Variants in KCNQ3 observed in about 807,000 individuals in gnomAD.
KCNQ3 encodes potassium voltage-gated channel subfamily Q member 3, also known as potassium voltage-gated channel subfamily KQT member 3.
A neutral mutation model predicts 92.5 loss-of-function variants in KCNQ3; 30 were observed. The ratio of observed to expected loss-of-function variants is 0.32; its 90% CI spans 0.24 to 0.44. The LOEUF is 0.44. KCNQ3 is among the 20% of genes least tolerant of loss of function. The pLI, the probability that KCNQ3 is intolerant of heterozygous loss-of-function variation, is 1.00. For missense variants in KCNQ3, 913 were observed against 1,140.3 expected (o/e 0.80, Z 2.87); for synonymous variants, 450 against 468.8 (o/e 0.96, Z 0.52).
chr8:132,441,953 C>T (rs532915675), intron 1 of KCNQ3, among the ~76,000 whole-genome samples: 1 of 152,248 alleles, frequency 6.6e-6, no homozygotes, highest in South Asian at 2.1e-4. Context: ...AGGCCATTAT[C>T]CTCAGCAAAC....
At chr8:132,218,919 A>G (rs1219668079) in intron 1 of KCNQ3, among the ~76,000 whole-genome samples, 1 of 152,120 alleles carries the variant, frequency 6.6e-6, no homozygotes, top group Admixed American at 6.5e-5. Flanking sequence ...TGGAGGGATG[A>G]CTGTGCATGC....
At chr8:132,378,308 C>T (rs567555084) in intron 1 of KCNQ3, among the ~76,000 whole-genome samples, 6 of 152,144 alleles carry the variant, frequency 3.9e-5, no homozygotes, top group African/African-American at 1.4e-4. Flanking sequence ...ACGAGAAACA[C>T]TTGAACTTGG....
intron 14 of KCNQ3, among the ~76,000 whole-genome samples, chr8:132,131,853 C>T (rs1824889714): frequency 6.6e-6 from 1 of 152,088 alleles, no homozygotes; most frequent in Middle Eastern, 3.4e-3. Flanking sequence ...TTTGGTAGGC[C>T]GAGTTGGGCA....
intron 1 of KCNQ3, among the ~76,000 whole-genome samples, chr8:132,357,914 C>T (rs192825442): frequency 8.5e-5 from 13 of 152,326 alleles, no homozygotes; most frequent in African/African-American, 2.6e-4. Flanking sequence ...TGTGCTCTGG[C>T]GCAAAGAGCT....
At chr8:132,478,355 C>A (rs1822461611) in intron 1 of KCNQ3, among the ~76,000 whole-genome samples, 1 of 152,098 alleles carries the variant, frequency 6.6e-6, no homozygotes, top group African/African-American at 2.4e-5. Context: ...TCCATAGGAC[C>A]CCCAGGTTTT....
chr8:132,351,214 A>G (rs1818853779), intron 1 of KCNQ3, among the ~76,000 whole-genome samples: 1 of 152,182 alleles, frequency 6.6e-6, no homozygotes. Context: ...GATTATTCCC[A>G]TTGTTCAGAT....
chr8:132,285,668 G>A (rs138764371), intron 1 of KCNQ3, among the ~76,000 whole-genome samples: 385 of 152,342 alleles, frequency 2.5e-3, no homozygotes, highest in Admixed American at 4.4e-3. Context: ...GTGGCCCAGA[G>A]ACTGTTTGCC....
At chr8:132,471,169 T>G (rs1412348388) in intron 1 of KCNQ3, among the ~76,000 whole-genome samples, 2 of 152,130 alleles carry the variant, frequency 1.3e-5, no homozygotes, top group African/African-American at 2.4e-5. Context: ...CTGTCAGAAA[T>G]GCAGCTAGCT....
intron 1 of KCNQ3, among the ~76,000 whole-genome samples, chr8:132,432,391 A>ATCTG (rs1209210374): frequency 6.6e-6 from 1 of 152,062 alleles, no homozygotes; most frequent in Admixed American, 6.5e-5. Flanking sequence ...CAAAACTATG[A>ATCTG]TCTGTCAAAA....
chr8:132,366,022 C>G (rs1266744907), intron 1 of KCNQ3, among the ~76,000 whole-genome samples: 1 of 152,094 alleles, frequency 6.6e-6, no homozygotes, highest in African/African-American at 2.4e-5. Flanking sequence ...CAGAGCCAGA[C>G]CCTATAAAGT....
intron 1 of KCNQ3, among the ~76,000 whole-genome samples, chr8:132,307,866 G>C (rs7819670): frequency 0.8 from 120,984 of 151,692 alleles, 49,031 homozygotes; most frequent in African/African-American, 0.93. Context: ...GGTTATATGA[G>C]TCGGGGAGTT....
chr8:132,135,386 A>G (rs759123782), intron 12 of KCNQ3, among the ~76,000 whole-genome samples: 2 of 152,146 alleles, frequency 1.3e-5, no homozygotes, highest in South Asian at 2.1e-4. Flanking sequence ...TTGAAGGCTT[A>G]TCACAGGTCC....
intron 1 of KCNQ3, among the ~76,000 whole-genome samples, chr8:132,232,603 C>T (rs1814679725): frequency 6.6e-6 from 1 of 152,204 alleles, no homozygotes; most frequent in Non-Finnish European, 1.5e-5. Context: ...ATAGTAAGCA[C>T]TTGGTCAACA....
chr8:132,330,024 A>C (rs1818184865), intron 1 of KCNQ3, among the ~76,000 whole-genome samples: 1 of 152,228 alleles, frequency 6.6e-6, no homozygotes, highest in South Asian at 2.1e-4. Flanking sequence ...GATATATTAA[A>C]GTTAAGGATC....
chr8:132,140,218 C>A (rs748063521), intron 10 of KCNQ3, 40 bp from the exon 11 acceptor site: 1 of 1,494,456 alleles, frequency 6.7e-7, no homozygotes, highest in South Asian at 1.1e-5. Context: ...GGCCACAGAC[C>A]TGGAAAAGGC....
Position 132,206,184 on chromosome 8 carries a change from C to T in KCNQ3, c.387-20003G>A, listed in dbSNP as rs190312946. On this transcript the variant is annotated intron_variant, in intron 1 of 14. Coordinates refer to ENST00000388996, the MANE Select transcript of KCNQ3 (RefSeq NM_004519.4). ...CTAGTCCAGAGCCTACGATCTAGAGCACCTGCTCTGGGTCATCCCTGTCCT... is the reference window on the plus strand; with the variant it reads ...CTAGTCCAGAGCCTACGATCTAGAGTACCTGCTCTGGGTCATCCCTGTCCT... Among the ~76,000 whole-genome samples the T allele has an allele frequency of 7.4e-4, 113 of 152,258 alleles. 4 individuals carry two copies. The East Asian group carries it at 0.013, about 18-fold the overall frequency.
chr8:132,226,083 A>G (rs1169980046), intron 1 of KCNQ3, among the ~76,000 whole-genome samples: 1 of 152,122 alleles, frequency 6.6e-6, no homozygotes, highest in Admixed American at 6.5e-5. Flanking sequence ...CATCCTGGCT[A>G]ACGTGGCGAA....
At chr8:132,338,243 G>A (rs982932540) in intron 1 of KCNQ3, among the ~76,000 whole-genome samples, 1 of 152,184 alleles carries the variant, frequency 6.6e-6, no homozygotes, top group Non-Finnish European at 1.5e-5. Flanking sequence ...ATGGCCCAAG[G>A]TCACACATTA....
intron 1 of KCNQ3, among the ~76,000 whole-genome samples, chr8:132,230,321 C>T (rs1400411915): frequency 6.6e-6 from 1 of 151,970 alleles, no homozygotes; most frequent in African/African-American, 2.4e-5. Context: ...AGATAAAGCC[C>T]CCCCGCCCAC....
Sources: allele counts gnomAD v4.1 joint callset (sites outside exome capture counted in the v4.1 genomes callset), GRCh38; gene constraint gnomAD v4.1.1; transcripts MANE v1.5; gene names NCBI Gene and HGNC (gene_info 2026-07-23, HGNC 2026-07-21).